FBXL7: variants seen among roughly 807,000 people sequenced by gnomAD.
The protein encoded by FBXL7 is F-box and leucine rich repeat protein 7, also known as F-box/LRR-repeat protein 7.
FBXL7 carries 12 observed loss-of-function variants against 38.3 expected under a neutral mutation model. That is an observed-to-expected ratio of 0.31 (90% CI 0.20 to 0.51). FBXL7 has a LOEUF of 0.51. Among genes scored for constraint, FBXL7 ranks in the 20% least tolerant of loss-of-function variants. The pLI is 0.98. For missense variants in FBXL7, 567 were observed against 676.4 expected (o/e 0.84, Z 1.79); for synonymous variants, 297 against 300.9 (o/e 0.99, Z 0.13).
intron 2 of FBXL7, 90 bp from the exon 3 acceptor site, chr5:15,927,800 A>AGAC: frequency 1.0e-6 from 1 of 970,626 alleles, no homozygotes; most frequent in Non-Finnish European, 1.4e-6. Flanking sequence ...AGAAGAAAGA[A>AGAC]AAGAAAAGAA....
chr5:15,935,580 T>G (rs1408771088), intron 3 of FBXL7, among the ~76,000 whole-genome samples: 365 of 98,496 alleles, frequency 3.7e-3, no homozygotes, highest in East Asian at 6.0e-3. Context: ...AAGACGCCTC[T>G]GGCAAATAGG....
intron 2 of FBXL7, among the ~76,000 whole-genome samples, chr5:15,761,744 T>C (rs1015805561): frequency 4.6e-5 from 7 of 152,088 alleles, no homozygotes; most frequent in Non-Finnish European, 8.8e-5. Flanking sequence ...GGGATTTTGC[T>C]ATTTTGCCCA....
rs1226116407 is a variant in FBXL7, at chr5:15,631,039, A to G, written c.127+14967A>G. Among the ~76,000 whole-genome samples, 6 of 152,288 alleles carry G rather than the reference A, an allele frequency of 3.9e-5. 1 individual carries two copies. The South Asian group carries it at 1.2e-3, about 32-fold the overall frequency. On this transcript the variant is annotated intron_variant, in intron 2 of 3. Coordinates refer to ENST00000504595, the MANE Select transcript of FBXL7 (RefSeq NM_012304.5). ...CTAATCACAGCCACTTCATGTAAAT[A>G]GTATATCTTTAACTTGTTGAGAGGT...
chr5:15,627,068 C>G (rs1179571876), intron 2 of FBXL7, among the ~76,000 whole-genome samples: 3 of 152,090 alleles, frequency 2.0e-5, no homozygotes, highest in Non-Finnish European at 4.4e-5. Context: ...TTCGGTGGAG[C>G]ATGCACCCTG....
chr5:15,658,477 A>G (rs1266468738), intron 2 of FBXL7, among the ~76,000 whole-genome samples: 2 of 152,010 alleles, frequency 1.3e-5, no homozygotes, highest in Admixed American at 1.3e-4. Flanking sequence ...GGGAGATCTG[A>G]TGGTTTTATA....
intron 1 of FBXL7, among the ~76,000 whole-genome samples, chr5:15,564,957 C>T (rs1313522130): frequency 6.6e-6 from 1 of 151,878 alleles, no homozygotes; most frequent in East Asian, 1.9e-4. Flanking sequence ...AAAAATGCTA[C>T]AATGTATTTG....
intron 2 of FBXL7, among the ~76,000 whole-genome samples, chr5:15,827,761 G>A (rs1479668052): frequency 2.0e-5 from 3 of 152,146 alleles, no homozygotes; most frequent in Admixed American, 6.5e-5. Context: ...TCTGGGAAGA[G>A]GCAAACATTC....
intron 1 of FBXL7, among the ~76,000 whole-genome samples, chr5:15,512,088 G>A (rs1736810565): frequency 6.6e-6 from 1 of 152,074 alleles, no homozygotes. Flanking sequence ...CTAAAACTGG[G>A]GACCCTCAGC....
chr5:15,841,205 A>T (rs1472530275), intron 2 of FBXL7, among the ~76,000 whole-genome samples: 1 of 151,628 alleles, frequency 6.6e-6, no homozygotes, highest in African/African-American at 2.4e-5. Flanking sequence ...TTTTTTTGGT[A>T]GTGGTTGGAA....
chr5:15,668,517 C>T (rs944072333), intron 2 of FBXL7, among the ~76,000 whole-genome samples: 2 of 151,924 alleles, frequency 1.3e-5, no homozygotes, highest in African/African-American at 2.4e-5. Context: ...TGTGCATGTG[C>T]CTTCTGGAAA....
intron 2 of FBXL7, among the ~76,000 whole-genome samples, chr5:15,770,677 C>T (rs1199540117): frequency 6.6e-6 from 1 of 152,192 alleles, no homozygotes; most frequent in African/African-American, 2.4e-5. Flanking sequence ...AAGAATTTTA[C>T]ATGAACCATT....
chr5:15,930,239 G>A (rs1742003354), intron 3 of FBXL7, among the ~76,000 whole-genome samples: 1 of 152,166 alleles, frequency 6.6e-6, no homozygotes, highest in African/African-American at 2.4e-5. Context: ...AAAATGTTGT[G>A]ATGTGGTGGA....
chr5:15,654,282 A>G (rs1741804062), intron 2 of FBXL7, among the ~76,000 whole-genome samples: 1 of 152,136 alleles, frequency 6.6e-6, no homozygotes, highest in Non-Finnish European at 1.5e-5. Flanking sequence ...TGATGTGCAA[A>G]TGGTTGGGTC....
At chr5:15,912,854 A>G (rs1399829653) in intron 2 of FBXL7, among the ~76,000 whole-genome samples, 3 of 152,082 alleles carry the variant, frequency 2.0e-5, no homozygotes, top group African/African-American at 4.8e-5. Context: ...GTCTTTAAAG[A>G]AGAGATTATG....
Position 15,926,349 on chromosome 5 carries a change from T to C in FBXL7, c.128-1541T>C, listed in dbSNP as rs375979640. Among the ~76,000 whole-genome samples the C allele has an allele frequency of 1.8e-4, 26 of 148,108 alleles. No individual in the cohort carries two copies. In the East Asian group the frequency reaches 5.1e-3, roughly 29 times the overall value. On this transcript the variant is annotated intron_variant, in intron 2 of 3. Transcript: ENST00000504595. ...ATCCAATGTATATTATTAAATATAT[T>C]ATTTATATAATATATATTATATAAT...
chr5:15,581,099 T>C (rs371950469), intron 1 of FBXL7, among the ~76,000 whole-genome samples: 3 of 152,238 alleles, frequency 2.0e-5, no homozygotes, highest in East Asian at 3.9e-4. Context: ...ATTTGAACAG[T>C]TCACAAAAGT....
intron 2 of FBXL7, among the ~76,000 whole-genome samples, chr5:15,644,233 C>T (rs1394649838): frequency 2.8e-5 from 4 of 144,214 alleles, no homozygotes; most frequent in Middle Eastern, 3.6e-3. Context: ...CCGAAGTGGG[C>T]GGATCACCTG....
chr5:15,713,444 C>T (rs1279899814), intron 2 of FBXL7, among the ~76,000 whole-genome samples: 1 of 152,136 alleles, frequency 6.6e-6, no homozygotes, highest in Non-Finnish European at 1.5e-5. Context: ...TCTCCTTTGA[C>T]CCCCTCTCAA....
At chr5:15,726,056 A>G (rs912088045) in intron 2 of FBXL7, among the ~76,000 whole-genome samples, 4 of 152,102 alleles carry the variant, frequency 2.6e-5, no homozygotes, top group Admixed American at 2.0e-4. Context: ...CTGATATTAG[A>G]TGTATGAAAG....
Sources: allele counts gnomAD v4.1 joint callset (sites outside exome capture counted in the v4.1 genomes callset), GRCh38; gene constraint gnomAD v4.1.1; transcripts MANE v1.5; gene names NCBI Gene and HGNC (gene_info 2026-07-23, HGNC 2026-07-21).